KRT5: variants seen among roughly 807,000 people sequenced by gnomAD.
KRT5 encodes keratin 5.
A neutral mutation model predicts 44.0 loss-of-function variants in KRT5; 17 were observed. That is an observed-to-expected ratio of 0.39 (90% CI 0.26 to 0.58). The LOEUF (loss-of-function observed/expected upper bound fraction) is 0.58, where lower values mean the gene tolerates loss of function less well. Among genes scored for constraint, KRT5 ranks in the 20% least tolerant of loss-of-function variants. KRT5 has a pLI of 0.61. For synonymous variants in KRT5, 329 were observed against 312.8 expected, an observed-to-expected ratio of 1.05 and a Z score of -0.55; for missense variants, 737 against 785.5, an observed-to-expected ratio of 0.94 and a Z score of 0.74.
intron 2 of KRT5, 118 bp downstream of exon 2, chr12:52,518,828 C>A: frequency 8.3e-7 from 1 of 1,203,660 alleles, no homozygotes; most frequent in Non-Finnish European, 1.2e-6. Context: ...TGGAGGTGTC[C>A]ATGGAAGGTA....
chr12:52,516,926 A>G, intron 6 of KRT5, 69 bp from the exon 7 acceptor site: 1 of 1,580,484 alleles, frequency 6.3e-7, no homozygotes, highest in South Asian at 1.1e-5. Flanking sequence ...TTTCTGGGTC[A>G]GACAAACCAA....
chr12:52,517,982 G>A lies in KRT5; in HGVS notation c.842C>T (p.Ala281Val). ...EFVMLKKDVD[A>V]AYMNKVELEA... Reference sequence around the variant, plus strand: ...CAGCTCCACCTTGTTCATGTAGGCAGCATCTACATCCTGGGGAAACAGGGA... The same window carrying A: ...CAGCTCCACCTTGTTCATGTAGGCAACATCTACATCCTGGGGAAACAGGGA... Residue 281 changes from alanine (A) to valine (V), a missense_variant, in exon 4 of 9, where the codon GCT becomes GTT. Ala to Val is a moderately conservative substitution (Grantham distance 64). Coordinates refer to ENST00000252242, the MANE Select transcript of KRT5 (RefSeq NM_000424.4). 1.2e-6 allele frequency: 2 copies of A among 1,613,558 alleles called. No individual in the cohort carries two copies. Among genetic ancestry groups the A allele is most frequent in the Non-Finnish European group, 1.7e-6 (2 of 1,179,420 alleles).
In KRT5 at chr12:52,520,076, A is replaced by G. The variant is rs1463063008; in HGVS notation, c.221T>C (p.Ile74Thr). 2 of 1,613,970 alleles carry G rather than the reference A, an allele frequency of 1.2e-6. No individual in the cohort carries two copies. Among genetic ancestry groups the G allele is most frequent in the Non-Finnish European group, 1.7e-6 (2 of 1,180,000 alleles). Reference sequence around the variant, plus strand: ...GCTGCCACCACTAGTGCTGATGGATATCCTCTTGGAGCCCCCCAGGTTGTA... The same window carrying G: ...GCTGCCACCACTAGTGCTGATGGATGTCCTCTTGGAGCCCCCCAGGTTGTA... ...SLYNLGGSKRISISTSGGSFR... is the reference protein window; with the variant it reads ...SLYNLGGSKRTSISTSGGSFR... The change falls in exon 1 of 9, where the codon ATA becomes ACA. Residue 74 changes from isoleucine (I) to threonine (T), a missense_variant. By Grantham distance (89) the Ile-to-Thr change is moderately conservative. Transcript: ENST00000252242.
In KRT5 at chr12:52,517,989, C is replaced by A; in HGVS notation, c.835G>T (p.Val279Leu). ...ENEFVMLKKD[V>L]DAAYMNKVEL... is the part of the protein sequence containing the mutation. ...ACCTTGTTCATGTAGGCAGCATCTA[C>A]ATCCTGGGGAAACAGGGATGATTGG... The change falls in exon 4 of 9, where the codon GTA (valine) becomes TTA (leucine). Residue 279 changes from valine (V) to leucine (L), a missense_variant. Physicochemically the swap from Val to Leu is conservative, Grantham distance 32. Transcript: ENST00000252242. 1 of 1,613,960 alleles carries A rather than the reference C, an allele frequency of 6.2e-7. No homozygotes were observed. Among genetic ancestry groups the A allele is most frequent in the Non-Finnish European group, 8.5e-7 (1 of 1,179,790 alleles).
rs763185384 is a variant in KRT5, at chr12:52,519,038, G to A, written c.678C>T (p.Leu226=). ...EPLFEQYINN[L]RRQLDSIVGE... ...CCACGATGCTGTCCAGCTGCCTCCT[G>A]AGGTTGTTGATGTACTGCTCGAACA... Residue 226 remains leucine, a synonymous_variant, in exon 2 of 9, where the codon CTC becomes CTT. Transcript: ENST00000252242. The A allele has an allele frequency of 1.9e-6, 3 of 1,614,032 alleles. No homozygotes were observed. The highest frequency in any genetic ancestry group is 3.3e-4 in the Middle Eastern group (2 of 6,084).
At chr12:52,518,738 C>A (rs1195760491) in intron 2 of KRT5, among the ~76,000 whole-genome samples, 1 of 152,212 alleles carries the variant, frequency 6.6e-6, no homozygotes, top group African/African-American at 2.4e-5. Flanking sequence ...TGACTAAGTT[C>A]CTTGCAGAGG....
At position 52,515,609 on chromosome 12, in the gene KRT5, A is replaced by G. The variant is rs1469434711; in HGVS notation, c.1474+189T>C. The G allele has an allele frequency of 4.5e-6, 3 of 672,540 alleles. No individual in the cohort carries two copies. The African/African-American group carries it at 5.3e-5, about 12-fold the overall frequency. The allele number at this position is 672,540 out of a possible 1,614,324, so 41.7% of individuals were successfully genotyped here. A position where few individuals can be genotyped will look rare whatever the true frequency, so the allele number is the denominator to read the frequency against. ...TGGCTTACCCTTTAAGAGATGAGACATAAGCCACATTGCTTCCTGTCCCAA... is the reference window on the plus strand; with the variant it reads ...TGGCTTACCCTTTAAGAGATGAGACGTAAGCCACATTGCTTCCTGTCCCAA... On this transcript the variant is annotated intron_variant, in intron 8 of 8. Transcript: ENST00000252242.
In KRT5 at chr12:52,517,901, T is replaced by G; in HGVS notation, c.923A>C (p.Asp308Ala). The change falls in exon 4 of 9, where the codon GAT (aspartate) becomes GCT (alanine). Residue 308 changes from aspartate to alanine, a missense_variant. Physicochemically the swap from Asp to Ala is moderately radical, Grantham distance 126. This residue lies in a region of KRT5 where 59 missense variants were observed against 62.5 expected (regional missense o/e 0.94). Transcript: ENST00000252242. ...AAATTTAGATAAGTTTCTTACCGCA[T>G]CAAAGAACATCTTCATGAAGTTAAT... ...DEINFMKMFF[D>A]AELSQMQTHV... 1 of 1,614,032 alleles carries G rather than the reference T, an allele frequency of 6.2e-7. No homozygotes were observed. The highest frequency in any genetic ancestry group is 8.5e-7 in the Non-Finnish European group (1 of 1,179,836).
In KRT5 at chr12:52,517,282, G is replaced by T. The variant is rs781007379; in HGVS notation, c.1093-50C>A. 6 of 1,609,344 alleles carry T rather than the reference G, an allele frequency of 3.7e-6. No individual in the cohort carries two copies. In the Admixed American group the frequency reaches 8.3e-5, roughly 22 times the overall value. On this transcript the variant is annotated intron_variant, in intron 5 of 8. Transcript: ENST00000252242. ...GATTCTGTTTATATGAGAATGGGAA[G>T]AACTTTCCCAAAGTTCACAGGCAGT...
chr12:52,519,987 C>T lies in KRT5; in HGVS notation c.310G>A (p.Gly104Arg). The T allele has an allele frequency of 1.2e-6, 2 of 1,613,880 alleles. No individual in the cohort carries two copies. The highest frequency in any genetic ancestry group is 1.7e-6 in the Non-Finnish European group (2 of 1,179,944). ...GYGFGGGAGS[G>R]FGFGGGAGGG... ...CCAGCTCCACCGCCGAAACCAAATC[C>T]ACTACCGGCACCACCTCCAAAGCCA... is the stretch of plus-strand genomic sequence containing the variant. The change falls in exon 1 of 9, where the codon GGA becomes AGA. Residue 104 changes from glycine (G) to arginine (R), a missense_variant. This residue lies in a region of KRT5 where 326 missense variants were observed against 333.1 expected (regional missense o/e 0.98). Coordinates refer to ENST00000252242, the MANE Select transcript of KRT5 (RefSeq NM_000424.4).
Position 52,516,675 on chromosome 12 carries a change from G to T in KRT5, c.1401C>A (p.Ile467=), listed in dbSNP as rs60062350. ...CCTCCAGCAGCTTGCGGTAAGTGGC[G>T]ATCTCCACGTCCAGGGCCAGCTTGG... ...MNTKLALDVE[I]ATYRKLLEGE... Residue 467 remains isoleucine, a synonymous_variant, in exon 7 of 9, where the codon ATC becomes ATA. Coordinates refer to ENST00000252242, the MANE Select transcript of KRT5 (RefSeq NM_000424.4). 6.2e-7 allele frequency: 1 copy of T among 1,614,176 alleles called. No homozygotes were observed.
At chr12:52,518,191 T>C (rs867797574) in intron 2 of KRT5, 28 bp from the exon 3 acceptor site, 1 of 1,609,458 alleles carries the variant, frequency 6.2e-7, no homozygotes, top group Non-Finnish European at 8.5e-7. Flanking sequence ...GGGAAGTGTT[T>C]GTCAGAGGAT....
In KRT5 at chr12:52,517,897, C is replaced by T. The variant is rs774756410; in HGVS notation, c.927G>A (p.Ala309=). The change falls in exon 4 of 9, where the codon GCG becomes GCA. Residue 309 remains alanine, a splice_region_variant and synonymous_variant. Transcript: ENST00000252242. ...TGAAAAATTTAGATAAGTTTCTTAC[C>T]GCATCAAAGAACATCTTCATGAAGT... ...EINFMKMFFD[A]ELSQMQTHVS... 2.4e-5 allele frequency: 38 copies of T among 1,613,552 alleles called. No homozygotes were observed. Among genetic ancestry groups the T allele is most frequent in the South Asian group, 3.3e-5 (3 of 91,076 alleles).
rs761161855 is a variant in KRT5, at chr12:52,519,843, G to A, written c.454C>T (p.Pro152Ser). The A allele has an allele frequency of 1.4e-5, 22 of 1,613,850 alleles. No homozygotes were observed. Among genetic ancestry groups the A allele is most frequent in the Non-Finnish European group, 1.8e-5 (21 of 1,179,970 alleles). ...CTGGGGTCGATTTGCAGGTTGAGGG[G>A]AGTCAGGAGACTCTGGTTGACAGTG... is the stretch of plus-strand genomic sequence containing the variant. ...EVTVNQSLLT[P>S]LNLQIDPSIQ... Residue 152 changes from proline (P) to serine (S), a missense_variant, in exon 1 of 9, where the codon CCC becomes TCC. By Grantham distance (74) the Pro-to-Ser change is moderately conservative. Transcript: ENST00000252242.
chr12:52,519,947 A>G lies in KRT5; in HGVS notation c.350T>C (p.Leu117Pro). The change falls in exon 1 of 9, where the codon CTC (leucine) becomes CCC (proline). Residue 117 changes from leucine to proline, a missense_variant. By Grantham distance (98) the Leu-to-Pro change is moderately conservative (BLOSUM62 -3). Around this residue, in one of 5 missense-constraint regions of KRT5, gnomAD observed 326 missense variants for 333.1 expected, o/e 0.98. Transcript: ENST00000252242. ...FGGGAGGGFG[L>P]GGGAGFGGGF... is the part of the protein sequence containing the mutation. ...ACCTCCAAAGCCAGCTCCGCCACCGAGCCCAAAGCCACCACCAGCTCCACC... is the reference window on the plus strand; with the variant it reads ...ACCTCCAAAGCCAGCTCCGCCACCGGGCCCAAAGCCACCACCAGCTCCACC... 6.2e-7 allele frequency: 1 copy of G among 1,612,520 alleles called. No homozygotes were observed. The highest frequency in any genetic ancestry group is 8.5e-7 in the Non-Finnish European group (1 of 1,179,096).
intron 2 of KRT5, chr12:52,518,427 G>A (rs1565593466): frequency 1.6e-6 from 1 of 642,434 alleles, no homozygotes; most frequent in African/African-American, 1.8e-5. Flanking sequence ...CAGAAAAGCT[G>A]TGCTGTTTCT....
In KRT5 at chr12:52,520,290, G is replaced by A. The variant is rs200156424; in HGVS notation, c.7C>T (p.Arg3Cys). 1.4e-5 allele frequency: 23 copies of A among 1,612,944 alleles called. No individual in the cohort carries two copies. In the East Asian group the frequency reaches 2.2e-4, roughly 16 times the overall value. Reference protein sequence around the residue: MSRQSSVSFRSGG... With the variant: MSCQSSVSFRSGG... ...CTCCGGAAGGACACACTTGACTGGC[G>A]AGACATGGTGGCTTGTTCCTGGTGG... Residue 3 changes from arginine (R) to cysteine (C), a missense_variant, in exon 1 of 9, where the codon CGC becomes TGC. Coordinates refer to ENST00000252242, the MANE Select transcript of KRT5 (RefSeq NM_000424.4).
In KRT5 at chr12:52,515,782, G is replaced by A. The variant is rs1565592380; in HGVS notation, c.1474+16C>T. ...CATATTATTGTCGTTGTTAATGTCT[G>A]TTCAAAGCTACTTACAGATGTTGAC... On this transcript the variant is annotated intron_variant, in intron 8 of 8. Coordinates refer to ENST00000252242, the MANE Select transcript of KRT5 (RefSeq NM_000424.4). 6.2e-7 allele frequency: 1 copy of A among 1,604,260 alleles called. No homozygotes were observed. The highest frequency in any genetic ancestry group is 8.5e-7 in the Non-Finnish European group (1 of 1,170,986).
Position 52,517,677 on chromosome 12 carries a change from C to G in KRT5, c.1005G>C (p.Leu335=). ...LSMDNNRNLD[L]DSIIAEVKAQ... is the part of the protein sequence containing the mutation. The stretch of plus-strand genomic sequence containing the variant: ...CCTTGACCTCAGCGATGATGCTATC[C>G]AGGTCCAGGTTGCGGTTGTTGTCCA... Residue 335 remains leucine (L), a synonymous_variant, in exon 5 of 9, where the codon CTG becomes CTC. Coordinates refer to ENST00000252242, the MANE Select transcript of KRT5 (RefSeq NM_000424.4). 6.2e-7 allele frequency: 1 copy of G among 1,614,194 alleles called. No homozygotes were observed. Among genetic ancestry groups the G allele is most frequent in the Non-Finnish European group, 8.5e-7 (1 of 1,180,030 alleles).
Sources: gnomAD v4.1 joint callset for allele counts (sites outside exome capture counted in the v4.1 genomes callset) on GRCh38, gnomAD v4.1.1 for gene constraint, gnomAD v4.1.1 regional missense constraint, MANE v1.5 for transcripts, NCBI Gene and HGNC (gene_info 2026-07-23, HGNC 2026-07-21) for gene names.